AGMO: variants seen among roughly 807,000 people sequenced by gnomAD.
AGMO encodes alkylglycerol monooxygenase, also known as glyceryl-ether monooxygenase.
A neutral mutation model predicts 60.2 loss-of-function variants in AGMO; 75 were observed. The ratio of observed to expected loss-of-function variants is 1.25; its 90% CI spans 1.03 to 1.51. AGMO has a LOEUF of 1.51. Ranked by LOEUF, AGMO falls within the 40% of genes most tolerant of loss-of-function variation. AGMO has a pLI of 0.00. For synonymous variants in AGMO, 261 were observed against 177.1 expected (o/e 1.47, Z -3.76); for missense variants, 763 against 525.5 (o/e 1.45, Z -4.42).
At chr7:15,461,071 T>C (rs1246217213) in intron 3 of AGMO, among the ~76,000 whole-genome samples, 1 of 152,090 alleles carries the variant, frequency 6.6e-6, no homozygotes, top group Non-Finnish European at 1.5e-5. Context: ...GGCCCACTAT[T>C]GTTCAAAATG....
At chr7:15,486,777 T>C (rs1782933586) in intron 3 of AGMO, among the ~76,000 whole-genome samples, 1 of 152,214 alleles carries the variant, frequency 6.6e-6, no homozygotes, top group Admixed American at 6.5e-5. Flanking sequence ...TAATTTTGAC[T>C]AAAACATGTC....
intron 10 of AGMO, among the ~76,000 whole-genome samples, chr7:15,379,514 A>C (rs555328868): frequency 6.6e-6 from 1 of 152,224 alleles, no homozygotes; most frequent in East Asian, 1.9e-4. Flanking sequence ...AATCTAGACG[A>C]ATTTCCTGGA....
intron 5 of AGMO, among the ~76,000 whole-genome samples, chr7:15,397,296 C>A (rs1316514538): frequency 6.6e-6 from 1 of 151,792 alleles, no homozygotes; most frequent in East Asian, 1.9e-4. Flanking sequence ...TGGCCGCGCC[C>A]AGTGCGCGGT....
At chr7:15,389,833 G>A (rs1404738723) in intron 8 of AGMO, among the ~76,000 whole-genome samples, 1 of 152,134 alleles carries the variant, frequency 6.6e-6, no homozygotes, top group Non-Finnish European at 1.5e-5. Flanking sequence ...TTTTTCTGCT[G>A]CGCTGTTAGC....
At chr7:15,465,703 C>T (rs374264602) in intron 3 of AGMO, among the ~76,000 whole-genome samples, 5 of 151,574 alleles carry the variant, frequency 3.3e-5, no homozygotes, top group African/African-American at 1.2e-4. Flanking sequence ...TCCTCAGCCT[C>T]CCAAAATGCT....
chr7:15,419,286 A>C (rs1174500228), intron 4 of AGMO, among the ~76,000 whole-genome samples: 1 of 151,988 alleles, frequency 6.6e-6, no homozygotes, highest in South Asian at 2.1e-4. Flanking sequence ...TACAAAGACA[A>C]CTTATGATTA....
intron 12 of AGMO, among the ~76,000 whole-genome samples, chr7:15,225,298 T>G (rs1782045273): frequency 6.6e-6 from 1 of 152,004 alleles, no homozygotes; most frequent in African/African-American, 2.4e-5. Flanking sequence ...AAATTTGCCT[T>G]TATAATTAGA....
At chr7:15,263,744 T>C (rs779909476) in intron 12 of AGMO, among the ~76,000 whole-genome samples, 22 of 152,092 alleles carry the variant, frequency 1.4e-4, no homozygotes, top group Non-Finnish European at 2.6e-4. Flanking sequence ...GAAAAAGGAA[T>C]GAAATAATGG....
intron 12 of AGMO, among the ~76,000 whole-genome samples, chr7:15,299,369 ATTTT>A (rs1196725493): frequency 6.6e-6 from 1 of 151,994 alleles, no homozygotes; most frequent in African/African-American, 2.4e-5. Context: ...GCCCTAATTT[ATTTT>A]TTGTGTCCCC....
chr7:15,176,539 G>T, the AGMO span, among the ~76,000 whole-genome samples: 1 of 151,788 alleles, frequency 6.6e-6, no homozygotes, highest in Non-Finnish European at 1.5e-5. Flanking sequence ...CTGCTTTATT[G>T]AGGTTATTTG....
chr7:15,486,957 A>G (rs960998540), intron 3 of AGMO, among the ~76,000 whole-genome samples: 3 of 152,228 alleles, frequency 2.0e-5, no homozygotes, highest in African/African-American at 7.2e-5. Context: ...CATTTCCTTG[A>G]CAACCAACAG....
At chr7:15,523,343 A>C (rs1784050167) in intron 3 of AGMO, among the ~76,000 whole-genome samples, 1 of 152,220 alleles carries the variant, frequency 6.6e-6, no homozygotes. Context: ...TATACACCCA[A>C]AGGATTATAA....
chr7:15,247,420 A>T, intron 12 of AGMO, among the ~76,000 whole-genome samples: 1 of 67,860 alleles, frequency 1.5e-5, no homozygotes, highest in South Asian at 6.7e-4. Flanking sequence ...GATTTCACAC[A>T]CACACACACA....
chr7:15,460,825 T>A (rs1782124092), intron 3 of AGMO, among the ~76,000 whole-genome samples: 1 of 152,110 alleles, frequency 6.6e-6, no homozygotes, highest in African/African-American at 2.4e-5. Flanking sequence ...AAAGAAGCAA[T>A]CAATAACTTT....
intron 3 of AGMO, among the ~76,000 whole-genome samples, chr7:15,433,853 T>C (rs889474366): frequency 5.3e-5 from 8 of 152,170 alleles, no homozygotes; most frequent in African/African-American, 1.9e-4. Context: ...TGTAATTCTG[T>C]ATATTTTATT....
At chr7:15,130,471 C>T in the AGMO span, among the ~76,000 whole-genome samples, 1 of 151,988 alleles carries the variant, frequency 6.6e-6, no homozygotes, top group African/African-American at 2.4e-5. Context: ...CTCAGGCCCC[C>T]TAAAAATGAT....
chr7:15,451,339 G>T lies in AGMO; in HGVS notation c.410-20231C>A, dbSNP rs78408456. On this transcript the variant is annotated intron_variant, in intron 3 of 12. Transcript: ENST00000342526. ...TGATTCCAATCTTTATAAAATTGGTGATGAATTCTGGGTAATTACATACAG... is the reference window on the plus strand; with the variant it reads ...TGATTCCAATCTTTATAAAATTGGTTATGAATTCTGGGTAATTACATACAG... Among the ~76,000 whole-genome samples, 33 of 152,266 alleles carry T rather than the reference G, an allele frequency of 2.2e-4. No individual in the cohort carries two copies. In the East Asian group the frequency reaches 6.0e-3, roughly 28 times the overall value.
intron 3 of AGMO, among the ~76,000 whole-genome samples, chr7:15,460,839 A>G (rs1304420752): frequency 2.0e-5 from 3 of 152,196 alleles, no homozygotes; most frequent in Non-Finnish European, 4.4e-5. Context: ...TAACTTTTAA[A>G]TTGGAAAGTA....
At position 15,391,553 on chromosome 7, in the gene AGMO, G is replaced by A. The variant is rs74344028; in HGVS notation, c.677-648C>T. 0.016 allele frequency among the ~76,000 whole-genome samples: 2,371 copies of A among 152,084 alleles called. 88 individuals are homozygous for A. The East Asian group carries it at 0.16, about 10-fold the overall frequency. ...ATATCCACATGACTGTAAATCTTAAGAAAAAGAATAATTAATTAACCAAGC... is the reference window on the plus strand; with the variant it reads ...ATATCCACATGACTGTAAATCTTAAAAAAAAGAATAATTAATTAACCAAGC... On this transcript the variant is annotated intron_variant, in intron 6 of 12. Coordinates refer to ENST00000342526, the MANE Select transcript of AGMO (RefSeq NM_001004320.2).
Sources: allele counts gnomAD v4.1 joint callset (sites outside exome capture counted in the v4.1 genomes callset), GRCh38; gene constraint gnomAD v4.1.1; transcripts MANE v1.5; gene names NCBI Gene and HGNC (gene_info 2026-07-23, HGNC 2026-07-21).